The following DNAH17 variants were observed in gnomAD, a reference collection of about 807,000 sequenced individuals.
DNAH17 encodes axonemal beta dynein heavy chain 17.
DNAH17 carries 376 observed loss-of-function variants against 485.6 expected under a neutral mutation model. The observed-to-expected ratio is 0.77, with a 90% CI of 0.71 to 0.84. The LOEUF is 0.84. Among genes scored for constraint, DNAH17 ranks in the 40% least tolerant of loss-of-function variants. The pLI is 0.00. For synonymous variants in DNAH17, 3,031 were observed against 2,405.9 expected, an observed-to-expected ratio of 1.26 and a Z score of -7.60; for missense variants, 6,370 against 5,839.3, an observed-to-expected ratio of 1.09 and a Z score of -2.96.
chr17:78,504,685 A>T (rs1220912870), intron 31 of DNAH17, among the ~76,000 whole-genome samples: 1 of 152,106 alleles, frequency 6.6e-6, no homozygotes, highest in Admixed American at 6.5e-5. Context: ...GCAGCCCGGA[A>T]GTTTTCTGAC....
intron 54 of DNAH17, among the ~76,000 whole-genome samples, chr17:78,471,349 G>A (rs58270435): frequency 0.041 from 6,228 of 152,090 alleles, 406 homozygotes; most frequent in African/African-American, 0.14. Flanking sequence ...CAGGTGGGCC[G>A]CAGGTGGGAC....
At chr17:78,548,705 C>T (rs552524872) in intron 16 of DNAH17, among the ~76,000 whole-genome samples, 6 of 152,384 alleles carry the variant, frequency 3.9e-5, no homozygotes, top group Admixed American at 2.0e-4. Flanking sequence ...AAACTCCAAA[C>T]AGGAATTGTT....
intron 80 of DNAH17, 159 bp downstream of exon 80, chr17:78,425,187 G>A (rs750219533): frequency 2.7e-4 from 183 of 681,978 alleles, no homozygotes; most frequent in Non-Finnish European, 4.1e-4. Flanking sequence ...GGGTCAGCGT[G>A]GCTCTGACCT....
At chr17:78,481,433 G>A (rs2089346986) in intron 48 of DNAH17, among the ~76,000 whole-genome samples, 1 of 152,182 alleles carries the variant, frequency 6.6e-6, no homozygotes, top group Non-Finnish European at 1.5e-5. Flanking sequence ...AGCAGCTGCT[G>A]TGACTTCATG....
chr17:78,465,248 C>T (rs1309410475), intron 56 of DNAH17, among the ~76,000 whole-genome samples: 5 of 152,150 alleles, frequency 3.3e-5, no homozygotes, highest in Admixed American at 2.0e-4. Context: ...GGTGCCCAGG[C>T]TGGAGTGCAG....
At chr17:78,483,285 G>A (rs9900319) in intron 48 of DNAH17, among the ~76,000 whole-genome samples, 29,181 of 152,190 alleles carry the variant, frequency 0.19, 3,815 homozygotes, top group African/African-American at 0.37. Flanking sequence ...CTCTGGGAGT[G>A]TCGTTTAGTG....
chr17:78,489,654 T>C (rs924505682), intron 44 of DNAH17: 1 of 152,286 alleles, frequency 6.6e-6, no homozygotes, highest in Non-Finnish European at 1.5e-5. Context: ...TTTGGTTTGT[T>C]CCACCTGTGA....
chr17:78,545,818 T>A (rs2091745446), intron 16 of DNAH17, among the ~76,000 whole-genome samples: 2 of 152,208 alleles, frequency 1.3e-5, no homozygotes, highest in Non-Finnish European at 2.9e-5. Context: ...CACAACATTT[T>A]AGGACAACTA....
rs1284211504 is a variant in DNAH17 at position 78,530,458 on chromosome 17, C to T, written c.3169G>A (p.Val1057Met). ...TCGCACTGCAGCCAGCCGTGGAACACCTTGGTGTTCTCGCACTTGGACACC... is the reference window on the plus strand; with the variant it reads ...TCGCACTGCAGCCAGCCGTGGAACATCTTGGTGTTCTCGCACTTGGACACC... ...EEVSKCENTK[V>M]FHGWLQCDCR... is the part of the protein sequence containing the mutation. Residue 1057 changes from valine to methionine, a missense_variant, in exon 21 of 81, where the codon GTG becomes ATG. Val to Met is a conservative substitution (Grantham distance 21). Transcript: ENST00000389840. 2.3e-5 allele frequency: 37 copies of T among 1,613,336 alleles called. No individual in the cohort carries two copies. The highest frequency in any genetic ancestry group is 3.1e-5 in the Non-Finnish European group (37 of 1,179,598).
intron 51 of DNAH17, among the ~76,000 whole-genome samples, chr17:78,478,552 AATCACCATCATCATGACC>A (rs2089199497): frequency 6.8e-6 from 1 of 147,936 alleles, no homozygotes; most frequent in Admixed American, 6.7e-5. Flanking sequence ...CCATCATGAC[AATCACCATCATCATGACC>A]ATCACCATTA....
intron 27 of DNAH17, among the ~76,000 whole-genome samples, chr17:78,509,393 A>G (rs1016249170): frequency 3.8e-4 from 58 of 152,172 alleles, no homozygotes; most frequent in Non-Finnish European, 7.6e-4. Flanking sequence ...TGCTGGGATT[A>G]TAGGCAGGAG....
At chr17:78,530,884 C>T (rs1251095937) in intron 20 of DNAH17, among the ~76,000 whole-genome samples, 1 of 152,222 alleles carries the variant, frequency 6.6e-6, no homozygotes, top group Admixed American at 6.5e-5. Flanking sequence ...TCCTGCTGCC[C>T]CAACCCTGTG....
chr17:78,544,790 G>A (rs1459718113), intron 16 of DNAH17, among the ~76,000 whole-genome samples: 7 of 68,154 alleles, frequency 1.0e-4, no homozygotes, highest in Non-Finnish European at 1.6e-4. Flanking sequence ...CACAGAGCGA[G>A]ACTCAGTCTC....
At chr17:78,470,661 T>C (rs1469273994) in intron 54 of DNAH17, among the ~76,000 whole-genome samples, 1 of 152,084 alleles carries the variant, frequency 6.6e-6, no homozygotes, top group Non-Finnish European at 1.5e-5. Flanking sequence ...TGCACTCCAG[T>C]CTGGGCAACA....
rs369465017 is a variant in DNAH17, at chr17:78,450,667, C to T, written c.10899+15G>A. On this transcript the variant is annotated intron_variant, in intron 67 of 80. Transcript: ENST00000389840. ...AGCCCTGGCTGCCAGGGCACGTCAC[C>T]GAGGCAGCTCTGACCTTCTCCTCGA... 1.5e-4 allele frequency: 237 copies of T among 1,605,732 alleles called. No individual in the cohort carries two copies. The highest frequency in any genetic ancestry group is 1.9e-4 in the Non-Finnish European group (221 of 1,175,598).
intron 49 of DNAH17, 128 bp from the exon 50 acceptor site, chr17:78,479,760 G>T (rs1297870837): frequency 7.8e-7 from 1 of 1,279,650 alleles, no homozygotes; most frequent in East Asian, 2.4e-5. Context: ...GTCAGAATGG[G>T]CAGTTACCCT....
chr17:78,574,554 G>A (rs1456324774), intron 2 of DNAH17, among the ~76,000 whole-genome samples, 159 bp downstream of exon 2: 1 of 152,126 alleles, frequency 6.6e-6, no homozygotes, highest in African/African-American at 2.4e-5. Flanking sequence ...GTCTCAGCAG[G>A]TCAGGGTGGA....
chr17:78,516,439 C>T (rs886857974), intron 25 of DNAH17, among the ~76,000 whole-genome samples: 1 of 152,200 alleles, frequency 6.6e-6, no homozygotes, highest in Non-Finnish European at 1.5e-5. Flanking sequence ...GCAATCCCAG[C>T]ACTTTGGGAG....
At chr17:78,490,578 G>A in intron 44 of DNAH17, 121 bp downstream of exon 44, 1 of 1,381,216 alleles carries the variant, frequency 7.2e-7, no homozygotes, top group South Asian at 1.4e-5. Flanking sequence ...CTGGTGCCTG[G>A]TGAGGGCCTG....
Sources: allele counts gnomAD v4.1 joint callset (sites outside exome capture counted in the v4.1 genomes callset), GRCh38; gene constraint gnomAD v4.1.1; transcripts MANE v1.5; gene names NCBI Gene and HGNC (gene_info 2026-07-23, HGNC 2026-07-21).